The following NIBAN2 variants were observed in gnomAD, a reference collection of about 807,000 sequenced individuals.
The protein encoded by NIBAN2 is niban apoptosis regulator 2.
In NIBAN2, 36 loss-of-function variants were observed where a neutral mutation model predicts 81.8. That is an observed-to-expected ratio of 0.44 (90% CI 0.34 to 0.58). NIBAN2 has a LOEUF of 0.58. Ranked by LOEUF, NIBAN2 falls within the 20% of genes least tolerant of loss-of-function variation. NIBAN2 has a pLI of 0.02. For missense variants in NIBAN2, 897 were observed against 1,014.1 expected, an observed-to-expected ratio of 0.88 and a Z score of 1.57; for synonymous variants, 445 against 441.6, an observed-to-expected ratio of 1.01 and a Z score of -0.10.
intron 2 of NIBAN2, among the ~76,000 whole-genome samples, chr9:127,528,530 C>G (rs141798505): frequency 2.4e-4 from 37 of 152,280 alleles, no homozygotes; most frequent in Middle Eastern, 3.4e-3. Context: ...CTCTCCACCC[C>G]CTTCACCATG....
At chr9:127,561,061 G>C (rs922061607) in intron 1 of NIBAN2, 1 of 924,912 alleles carries the variant, frequency 1.1e-6, no homozygotes. Context: ...CAAGGAGGGA[G>C]CATGTTCCCA....
At chr9:127,525,402 G>A (rs1467642368) in intron 3 of NIBAN2, among the ~76,000 whole-genome samples, 1 of 152,216 alleles carries the variant, frequency 6.6e-6, no homozygotes, top group Non-Finnish European at 1.5e-5. Flanking sequence ...GGTAGTGTCT[G>A]TGTGATGCTG....
chr9:127,519,005 T>C (rs1424985323), intron 5 of NIBAN2, among the ~76,000 whole-genome samples: 1 of 151,718 alleles, frequency 6.6e-6, no homozygotes, highest in African/African-American at 2.4e-5. Context: ...CAAAACCCCA[T>C]CTCTACTAAA....
chr9:127,566,802 ATACACGCCCTCAT>A (rs1837866188), intron 1 of NIBAN2, among the ~76,000 whole-genome samples: 1 of 151,908 alleles, frequency 6.6e-6, no homozygotes, highest in Non-Finnish European at 1.5e-5. Context: ...GAGGAGGCAA[ATACACGCCCTCAT>A]TCCCTTCCAG....
chr9:127,511,738 C>G (rs2132156693), intron 8 of NIBAN2, among the ~76,000 whole-genome samples: 1 of 152,088 alleles, frequency 6.6e-6, no homozygotes, highest in South Asian at 2.1e-4. Context: ...TCCTAGTAAT[C>G]CAATTAAAAA....
intron 1 of NIBAN2, among the ~76,000 whole-genome samples, chr9:127,550,606 T>C (rs1588179973): frequency 1.3e-5 from 2 of 152,282 alleles, no homozygotes; most frequent in South Asian, 4.1e-4. Flanking sequence ...CTCCCAGTCA[T>C]GTTAAGACAC....
At position 127,508,244 on chromosome 9, in the gene NIBAN2, C is replaced by G; in HGVS notation, c.1435-44G>C. On this transcript the variant is annotated intron_variant, in intron 11 of 13. Transcript: ENST00000373312. This position sits in a 1 kb window ranked among gnomAD's most constrained non-coding sequence, Gnocchi z 6.4. ...TCGGGGGTCTGCAGGTCAGTGGGCT[C>G]CATTGGCCCTGAGGGTAGGACGAGG... 1.3e-6 allele frequency: 2 copies of G among 1,523,440 alleles called. No homozygotes were observed. Among genetic ancestry groups the G allele is most frequent in the Non-Finnish European group, 1.8e-6 (2 of 1,101,648 alleles). The allele number at this position is 1,523,440 out of a possible 1,614,324, so 94.4% of individuals were successfully genotyped here.
intron 3 of NIBAN2, among the ~76,000 whole-genome samples, chr9:127,526,378 G>A (rs1456383364): frequency 8.1e-6 from 1 of 123,310 alleles, no homozygotes; most frequent in Admixed American, 1.1e-4. Flanking sequence ...CCAGCCTGGC[G>A]ACAGAGCTAG....
chr9:127,517,803 C>T lies in NIBAN2; in HGVS notation c.705+23G>A, dbSNP rs1361390550. 1.9e-6 allele frequency: 3 copies of T among 1,593,628 alleles called. 1 individual carries two copies. In the South Asian group the frequency reaches 3.3e-5, roughly 18 times the overall value. ...GTCCTTGGGTGACTTCTGAGGTTTCCTCACCAGCCCGTCTGGCCTCACCTG... is the reference window on the plus strand; with the variant it reads ...GTCCTTGGGTGACTTCTGAGGTTTCTTCACCAGCCCGTCTGGCCTCACCTG... On this transcript the variant is annotated intron_variant, in intron 6 of 13. Coordinates refer to ENST00000373312, the MANE Select transcript of NIBAN2 (RefSeq NM_022833.4). The surrounding 1 kb of genome is among the most constrained non-coding windows in gnomAD (Gnocchi z 4.0).
chr9:127,568,761 G>A (rs545696264), intron 1 of NIBAN2, 59 bp downstream of exon 1: 11 of 1,228,224 alleles, frequency 9.0e-6, no homozygotes, highest in Non-Finnish European at 1.1e-5. Flanking sequence ...CCGGGGCGGG[G>A]GCGTGGTCCG....
chr9:127,506,716 C>A lies in NIBAN2; in HGVS notation c.*129G>T, dbSNP rs765407998. 5.4e-6 allele frequency: 4 copies of A among 739,522 alleles called. No homozygotes were observed. The highest frequency in any genetic ancestry group is 3.4e-5 in the Admixed American group (1 of 29,610). 45.8% of individuals were successfully genotyped at this position (739,522 alleles called of 1,614,324 possible). On this transcript the variant is annotated 3_prime_UTR_variant, in exon 14 of 14. Transcript: ENST00000373312. ...TGACTCAGGTGGGCCCGCTCCCTGG[C>A]GGTGCCACACAGCCCTGCCCCGCCT... is the stretch of plus-strand genomic sequence containing the variant.
chr9:127,508,608 G>A lies in NIBAN2; in HGVS notation c.1318-70C>T. On this transcript the variant is annotated intron_variant, in intron 10 of 13. Coordinates refer to ENST00000373312, the MANE Select transcript of NIBAN2 (RefSeq NM_022833.4). This position sits in a 1 kb window ranked among gnomAD's most constrained non-coding sequence, Gnocchi z 6.4. ...AGCCCCTTCCTGGGTGCCGCTGAGGGGTCCTCATCCTCAACCAGCCCCCCA... is the reference window on the plus strand; with the variant it reads ...AGCCCCTTCCTGGGTGCCGCTGAGGAGTCCTCATCCTCAACCAGCCCCCCA... The A allele has an allele frequency of 2.3e-6, 3 of 1,313,186 alleles. No individual in the cohort carries two copies. The highest frequency in any genetic ancestry group is 1.2e-5 in the South Asian group (1 of 85,112). 81.3% of individuals were successfully genotyped at this position (1,313,186 alleles called of 1,614,324 possible).
chr9:127,549,089 G>C (rs1242429063), intron 1 of NIBAN2, among the ~76,000 whole-genome samples: 1 of 152,142 alleles, frequency 6.6e-6, no homozygotes, highest in Non-Finnish European at 1.5e-5. Context: ...CTGACTCCCA[G>C]GAAGAGCCCA....
Position 127,523,192 on chromosome 9 carries a change from AATATATATATATATATATATATATATAT to A in NIBAN2, c.589+459_589+486del, listed in dbSNP as rs71380069. 1.3e-3 allele frequency among the ~76,000 whole-genome samples: 18 copies of A among 13,450 alleles called. 1 individual carries two copies. Among genetic ancestry groups the A allele is most frequent in the South Asian group, 4.7e-3 (1 of 214 alleles). 8.8% of individuals were successfully genotyped at this position (13,450 alleles called of 152,430 possible). ...TTTAAAAAAAAAAAAAAAAAAAAAA[AATATATATATATATATATATATATATAT>A]ATATATATATATATATATATATATA... On this transcript the variant is annotated intron_variant, in intron 5 of 13. Transcript: ENST00000373312.
chr9:127,530,170 G>A (rs147866102), intron 2 of NIBAN2, among the ~76,000 whole-genome samples: 20 of 152,326 alleles, frequency 1.3e-4, no homozygotes, highest in African/African-American at 4.6e-4. Context: ...AGACACCCAG[G>A]CCGGGCCACA....
At chr9:127,509,165 G>A (rs771590470) in intron 9 of NIBAN2, 34 bp from the exon 10 acceptor site, 11 of 1,577,230 alleles carry the variant, frequency 7.0e-6, no homozygotes, top group Middle Eastern at 1.8e-4. Flanking sequence ...GCTGAGCAGG[G>A]CCGCCCTGTG....
intron 5 of NIBAN2, among the ~76,000 whole-genome samples, chr9:127,518,202 A>AGACCTG (rs1402749413): frequency 6.6e-6 from 1 of 152,146 alleles, no homozygotes; most frequent in African/African-American, 2.4e-5. Flanking sequence ...AACCACCCCA[A>AGACCTG]GACCTGGGCA....
intron 1 of NIBAN2, among the ~76,000 whole-genome samples, chr9:127,549,369 TCACATGTGCATGCACATGCACG>T (rs1254213343): frequency 1.1e-4 from 16 of 150,132 alleles, no homozygotes; most frequent in African/African-American, 2.2e-4. Flanking sequence ...ACACATGCAC[TCACATGTGCATGCACATGCACG>T]CACACACACT....
At chr9:127,571,528 T>C (rs2132246273), upstream of NIBAN2, among the ~76,000 whole-genome samples, 1 of 152,168 alleles carries the variant, frequency 6.6e-6, no homozygotes, top group Non-Finnish European at 1.5e-5. Context: ...AAACCCCATC[T>C]CTATTAAAAA....
Sources: allele counts gnomAD v4.1 joint callset (sites outside exome capture counted in the v4.1 genomes callset), GRCh38; gene constraint gnomAD v4.1.1; non-coding constraint Gnocchi (gnomAD v3.1); transcripts MANE v1.5; gene names NCBI Gene and HGNC (gene_info 2026-07-23, HGNC 2026-07-21).